TACC1: variants seen among roughly 807,000 people sequenced by gnomAD.
TACC1 encodes transforming acidic coiled-coil containing protein 1.
A neutral mutation model predicts 84.4 loss-of-function variants in TACC1; 48 were observed. The ratio of observed to expected loss-of-function variants is 0.57; its 90% CI spans 0.45 to 0.72. The LOEUF is 0.72. Among genes scored for constraint, TACC1 ranks in the 30% least tolerant of loss-of-function variants. The pLI, the probability that TACC1 is intolerant of heterozygous loss-of-function variation, is 0.00. For synonymous variants in TACC1, 372 were observed against 376.3 expected (o/e 0.99, Z 0.13); for missense variants, 920 against 973.0 (o/e 0.95, Z 0.72).
chr8:38,783,090 CTATCTATCTATCTATCTATATATATA>C (rs1445180319), upstream of TACC1, among the ~76,000 whole-genome samples: 4 of 111,906 alleles, frequency 3.6e-5, no homozygotes, highest in African/African-American at 1.4e-4. Context: ...ATCTATCTAT[CTATCTATCTATCTATCTATATATATA>C]TATATATATA....
chr8:38,788,568 C>T (rs1817875035), intron 1 of TACC1, 136 bp from the exon 2 acceptor site: 1 of 666,974 alleles, frequency 1.5e-6, no homozygotes, highest in Admixed American at 2.9e-5. Context: ...TCCCGCAGGT[C>T]AGACCCTGCT....
intron 3 of TACC1, among the ~76,000 whole-genome samples, chr8:38,761,769 A>G (rs1811250401): frequency 1.3e-5 from 2 of 152,340 alleles, no homozygotes; most frequent in African/African-American, 2.4e-5. Flanking sequence ...TTAAATGTCC[A>G]TGTGAAAATG....
intron 3 of TACC1, among the ~76,000 whole-genome samples, chr8:38,748,714 A>G (rs551140431): frequency 1.3e-5 from 2 of 152,300 alleles, no homozygotes; most frequent in South Asian, 2.1e-4. Flanking sequence ...TAAAGACTAA[A>G]TCACAAGAGA....
chr8:38,753,061 A>T (rs1453120948), intron 3 of TACC1, among the ~76,000 whole-genome samples: 1 of 152,146 alleles, frequency 6.6e-6, no homozygotes, highest in African/African-American at 2.4e-5. Context: ...CATAATAACT[A>T]TTCATATCAT....
At chr8:38,822,603 A>G (rs542041214) in intron 3 of TACC1, among the ~76,000 whole-genome samples, 2 of 152,358 alleles carry the variant, frequency 1.3e-5, no homozygotes, top group African/African-American at 4.8e-5. Flanking sequence ...AAATTTTTTA[A>G]GAAGTTTTGA....
rs532089032 is a variant in TACC1, at chr8:38,819,477, G to T, written c.278-45G>T. On this transcript the variant is annotated intron_variant, in intron 2 of 12. Coordinates refer to ENST00000317827, the MANE Select transcript of TACC1 (RefSeq NM_006283.3). ...TTCAGGTAAGAGAGGATACTTACCA[G>T]TGACAGATAATTCTTTAATAGATGG... The T allele has an allele frequency of 1.6e-5, 25 of 1,555,190 alleles. No homozygotes were observed. The South Asian group carries it at 2.8e-4, about 18-fold the overall frequency.
In TACC1 at chr8:38,846,704, A is replaced by G. The variant is rs909851165; in HGVS notation, c.2234A>G (p.Asn745Ser). Residue 745 changes from asparagine (N) to serine (S), a missense_variant, in exon 12 of 13, where the codon AAT (asparagine) becomes AGT (serine). Coordinates refer to ENST00000317827, the MANE Select transcript of TACC1 (RefSeq NM_006283.3). ...IHAEEKLDKANEEIAQVRTKA... is the reference protein window; with the variant it reads ...IHAEEKLDKASEEIAQVRTKA... ...CACCCAAACACCATAAACAGAGCCAATGAAGAGATTGCTCAGGTTCGAACA... is the reference window on the plus strand; with the variant it reads ...CACCCAAACACCATAAACAGAGCCAGTGAAGAGATTGCTCAGGTTCGAACA... The G allele has an allele frequency of 1.2e-6, 2 of 1,614,056 alleles. No individual in the cohort carries two copies. The highest frequency in any genetic ancestry group is 2.7e-5 in the African/African-American group (2 of 74,910).
At chr8:38,838,586 T>A in intron 8 of TACC1, 40 bp downstream of exon 8, 1 of 1,494,656 alleles carries the variant, frequency 6.7e-7, no homozygotes, top group East Asian at 2.3e-5. Flanking sequence ...GATACTTTTA[T>A]GCACTGTTAG....
At chr8:38,778,781 G>A (rs996743007) in intron 3 of TACC1, among the ~76,000 whole-genome samples, 4 of 152,136 alleles carry the variant, frequency 2.6e-5, no homozygotes, top group Non-Finnish European at 5.9e-5. Context: ...GCTCCTGGGT[G>A]TCATTTCCCT....
chr8:38,804,199 T>C (rs764843505), intron 2 of TACC1, among the ~76,000 whole-genome samples: 2 of 152,240 alleles, frequency 1.3e-5, no homozygotes, highest in Non-Finnish European at 2.9e-5. Flanking sequence ...TCTAAATTTT[T>C]AATTATAGGA....
intron 3 of TACC1, among the ~76,000 whole-genome samples, chr8:38,756,747 C>T (rs1810113459): frequency 6.6e-6 from 1 of 152,194 alleles, no homozygotes; most frequent in Admixed American, 6.5e-5. Context: ...AACCAGAGCC[C>T]AGTTTTCTGT....
At chr8:38,759,464 T>C (rs529814774) in intron 3 of TACC1, among the ~76,000 whole-genome samples, 1 of 152,296 alleles carries the variant, frequency 6.6e-6, no homozygotes, top group African/African-American at 2.4e-5. Context: ...TGAGGTAGGG[T>C]TCAGTTGTTA....
intron 2 of TACC1, among the ~76,000 whole-genome samples, chr8:38,804,499 C>T (rs1363706141): frequency 6.6e-6 from 1 of 152,100 alleles, no homozygotes; most frequent in Admixed American, 6.5e-5. Context: ...TGGGGTTTTG[C>T]CATGTTGGCC....
In TACC1 at chr8:38,827,351, C is replaced by T; in HGVS notation, c.1636C>T (p.His546Tyr). Residue 546 changes from histidine (H) to tyrosine (Y), a missense_variant, in exon 5 of 13, where the codon CAT becomes TAT. Coordinates refer to ENST00000317827, the MANE Select transcript of TACC1 (RefSeq NM_006283.3). ...CAATGTTCCTGTGTCTACCATAAAT[C>T]ATGCGTTTTCATCCTCAGAAGCAGG... ...CSNVPVSTIN[H>Y]AFSSSEAGIE... 6.2e-7 allele frequency: 1 copy of T among 1,614,186 alleles called. No homozygotes were observed. The highest frequency in any genetic ancestry group is 2.2e-5 in the East Asian group (1 of 44,890).
chr8:38,735,364 C>T (rs1587022290), intron 1 of TACC1, among the ~76,000 whole-genome samples: 2 of 152,180 alleles, frequency 1.3e-5, no homozygotes, highest in Middle Eastern at 6.8e-3. Flanking sequence ...TGGATTTTTC[C>T]ATTTGGCCTT....
intron 5 of TACC1, among the ~76,000 whole-genome samples, chr8:38,830,537 G>C (rs962898081): frequency 2.6e-5 from 4 of 152,192 alleles, no homozygotes; most frequent in Admixed American, 2.0e-4. Flanking sequence ...AAAGTGCTGG[G>C]ATTACAGGCA....
At chr8:38,806,659 A>G (rs923650203) in intron 2 of TACC1, among the ~76,000 whole-genome samples, 17 of 152,128 alleles carry the variant, frequency 1.1e-4, no homozygotes, top group African/African-American at 3.4e-4. Context: ...TGTGCTTGCT[A>G]AGAAGGATTC....
intron 3 of TACC1, among the ~76,000 whole-genome samples, chr8:38,779,020 C>T (rs1815420437): frequency 6.6e-6 from 1 of 150,396 alleles, no homozygotes; most frequent in Non-Finnish European, 1.5e-5. Flanking sequence ...CGCTCTGTCA[C>T]CCAATCTGGA....
intron 1 of TACC1, among the ~76,000 whole-genome samples, chr8:38,733,303 C>CTT (rs113616267): frequency 1.3e-4 from 19 of 146,316 alleles, no homozygotes; most frequent in African/African-American, 3.0e-4. Flanking sequence ...AATTGATCCT[C>CTT]TTTTTTTTTT....
Sources: gnomAD v4.1 joint callset for allele counts (sites outside exome capture counted in the v4.1 genomes callset) on GRCh38, gnomAD v4.1.1 for gene constraint, MANE v1.5 for transcripts, NCBI Gene and HGNC (gene_info 2026-07-23, HGNC 2026-07-21) for gene names.